The following PAPSS2 variants were observed in gnomAD, a reference collection of about 807,000 sequenced individuals.
PAPSS2 encodes bifunctional 3'-phosphoadenosine 5'-phosphosulfate synthase 2.
Under a neutral mutation model 66.5 loss-of-function variants are expected in PAPSS2, and 61 were observed. The ratio of observed to expected loss-of-function variants is 0.92; its 90% CI spans 0.75 to 1.14. The LOEUF is 1.14. PAPSS2 is among the 50% of genes most tolerant of loss of function. The pLI, the probability that PAPSS2 is intolerant of heterozygous loss-of-function variation, is 0.00. For missense variants in PAPSS2, 708 were observed against 789.6 expected (o/e 0.90, Z 1.24); for synonymous variants, 289 against 287.5 (o/e 1.01, Z -0.05).
At chr10:87,745,535 G>A (rs541482361) in intron 12 of PAPSS2, among the ~76,000 whole-genome samples, 2 of 152,306 alleles carry the variant, frequency 1.3e-5, no homozygotes, top group South Asian at 2.1e-4. Context: ...GAATATTTAT[G>A]GTGCACTTGC....
intron 1 of PAPSS2, among the ~76,000 whole-genome samples, chr10:87,661,758 C>T (rs1373959659): frequency 6.6e-6 from 1 of 152,164 alleles, no homozygotes; most frequent in Non-Finnish European, 1.5e-5. Flanking sequence ...ACATTCTGAA[C>T]CTTCTATTTT....
At chr10:87,744,741 G>C (rs934757860) in intron 11 of PAPSS2, among the ~76,000 whole-genome samples, 3 of 152,134 alleles carry the variant, frequency 2.0e-5, no homozygotes, top group Non-Finnish European at 2.9e-5. Flanking sequence ...GTTCTTGTCC[G>C]GCTAGCCTGT....
chr10:87,718,639 G>A (rs573296966), intron 7 of PAPSS2, among the ~76,000 whole-genome samples: 1 of 151,162 alleles, frequency 6.6e-6, no homozygotes, highest in Non-Finnish European at 1.5e-5. Context: ...TGATTCTGTG[G>A]GTCTGTCTGT....
At chr10:87,669,326 G>C (rs967963044) in intron 1 of PAPSS2, among the ~76,000 whole-genome samples, 2 of 152,152 alleles carry the variant, frequency 1.3e-5, no homozygotes, top group African/African-American at 2.4e-5. Flanking sequence ...CATTTCCATT[G>C]CTTCCTCAGT....
chr10:87,743,486 C>T lies in PAPSS2; in HGVS notation c.1336C>T (p.Leu446=), dbSNP rs773534821. The change falls in exon 11 of 13, where the codon CTA becomes TTA. Residue 446 remains leucine (L), a synonymous_variant. Coordinates refer to ENST00000456849, the MANE Select transcript of PAPSS2 (RefSeq NM_001015880.2). The stretch of plus-strand genomic sequence containing the variant: ...GGGCTACAAGCACCCGGTCCTCCTA[C>T]TACACCCTCTGGGCGGCTGGACCAA... ...ERGYKHPVLL[L]HPLGGWTKDD... 1.2e-6 allele frequency: 2 copies of T among 1,614,160 alleles called. No homozygotes were observed. The highest frequency in any genetic ancestry group is 1.7e-6 in the Non-Finnish European group (2 of 1,180,020).
At chr10:87,710,441 A>G (rs1168693256) in intron 2 of PAPSS2, among the ~76,000 whole-genome samples, 1 of 152,096 alleles carries the variant, frequency 6.6e-6, no homozygotes, top group Admixed American at 6.5e-5. Flanking sequence ...AACTCCCCCC[A>G]AGAGACGTAA....
intron 9 of PAPSS2, among the ~76,000 whole-genome samples, chr10:87,740,505 T>C (rs1021153270): frequency 5.3e-5 from 8 of 152,186 alleles, no homozygotes; most frequent in Admixed American, 5.2e-4. Context: ...TATTGCAAAA[T>C]CATTCATGGG....
intron 8 of PAPSS2, among the ~76,000 whole-genome samples, chr10:87,725,884 TACACACACACACAC>T (rs60791274): frequency 2.8e-5 from 4 of 140,352 alleles, no homozygotes; most frequent in Non-Finnish European, 4.6e-5. Flanking sequence ...TATGTGTGTA[TACACACACACACAC>T]ACACACACAC....
At chr10:87,736,845 C>T (rs1853807252) in intron 9 of PAPSS2, among the ~76,000 whole-genome samples, 1 of 152,106 alleles carries the variant, frequency 6.6e-6, no homozygotes, top group Non-Finnish European at 1.5e-5. Context: ...ACCAACTCTC[C>T]CTTCTCCTTC....
At chr10:87,675,799 G>T (rs907650116) in intron 1 of PAPSS2, among the ~76,000 whole-genome samples, 1 of 152,122 alleles carries the variant, frequency 6.6e-6, no homozygotes, top group Admixed American at 6.5e-5. Flanking sequence ...GTTGGGGAAT[G>T]GAGGCAGTCT....
At chr10:87,724,851 T>TACACACACACACACACACACACACACAC (rs58668772) in intron 8 of PAPSS2, among the ~76,000 whole-genome samples, 11,136 of 137,810 alleles carry the variant, frequency 0.081, 608 homozygotes, top group African/African-American at 0.095. Flanking sequence ...TCTCTGTCTA[T>TACACACACACACACACACACACACACAC]ACACACACAC....
intron 8 of PAPSS2, among the ~76,000 whole-genome samples, chr10:87,726,887 C>T (rs1234071271): frequency 2.0e-5 from 3 of 152,114 alleles, no homozygotes; most frequent in African/African-American, 7.2e-5. Context: ...CCAAGAAAGA[C>T]TAGAGAGTTT....
At chr10:87,660,605 T>C (rs1852738015) in intron 1 of PAPSS2, among the ~76,000 whole-genome samples, 1 of 151,740 alleles carries the variant, frequency 6.6e-6, no homozygotes, top group Non-Finnish European at 1.5e-5. Context: ...GCCCCTCGGT[T>C]TGGTGGAGTA....
chr10:87,698,680 C>CGTAAG (rs1367489071), intron 1 of PAPSS2, among the ~76,000 whole-genome samples: 1 of 152,170 alleles, frequency 6.6e-6, no homozygotes, highest in Non-Finnish European at 1.5e-5. Context: ...CACAATCTCT[C>CGTAAG]TTTACACAAA....
In PAPSS2 at chr10:87,745,378, A is replaced by G. The variant is rs1853925282; in HGVS notation, c.1721+147A>G. 8.8e-6 allele frequency: 6 copies of G among 685,590 alleles called. No homozygotes were observed. The South Asian group carries it at 1.0e-4, about 12-fold the overall frequency. 42.5% of individuals were successfully genotyped at this position (685,590 alleles called of 1,614,324 possible). ...CTTGAGAGTCAAGACGTGGTCTTAT[A>G]AATTTTATGTCCCCTAAAATTGTAC... On this transcript the variant is annotated intron_variant, in intron 12 of 12. Transcript: ENST00000456849.
chr10:87,689,900 C>T (rs1853148059), intron 1 of PAPSS2, among the ~76,000 whole-genome samples: 1 of 152,120 alleles, frequency 6.6e-6, no homozygotes, highest in African/African-American at 2.4e-5. Context: ...CATTGAAATA[C>T]CATTGTTCAT....
chr10:87,673,428 G>A (rs1183254421), intron 1 of PAPSS2, among the ~76,000 whole-genome samples: 1 of 151,950 alleles, frequency 6.6e-6, no homozygotes, highest in Non-Finnish European at 1.5e-5. Context: ...CTAAAGTGCT[G>A]GGGATTGCAG....
intron 1 of PAPSS2, among the ~76,000 whole-genome samples, chr10:87,675,692 A>G (rs1349014230): frequency 6.6e-6 from 1 of 152,164 alleles, no homozygotes; most frequent in East Asian, 1.9e-4. Context: ...GAGCCACCTT[A>G]GAGATTACGT....
intron 1 of PAPSS2, among the ~76,000 whole-genome samples, chr10:87,693,993 G>T (rs1392720951): frequency 6.6e-6 from 1 of 152,174 alleles, no homozygotes; most frequent in Non-Finnish European, 1.5e-5. Flanking sequence ...TTTGTTTAAG[G>T]ATATTCACAT....
Sources: allele counts gnomAD v4.1 joint callset (sites outside exome capture counted in the v4.1 genomes callset), GRCh38; gene constraint gnomAD v4.1.1; transcripts MANE v1.5; gene names NCBI Gene and HGNC (gene_info 2026-07-23, HGNC 2026-07-21).